CPSF4L: variants seen among roughly 807,000 people sequenced by gnomAD.
CPSF4L encodes putative cleavage and polyadenylation specificity factor subunit 4-like protein.
In CPSF4L, 18 loss-of-function variants were observed where a neutral mutation model predicts 24.0. That is an observed-to-expected ratio of 0.75 (90% CI 0.52 to 1.11). The LOEUF is 1.11. CPSF4L is among the 50% of genes least tolerant of loss of function. The probability of loss-of-function intolerance (pLI) is 0.00; values close to 1 mark genes in which losing one functional copy is unlikely to be tolerated. For synonymous variants in CPSF4L, 72 were observed against 77.2 expected (o/e 0.93, Z 0.35); for missense variants, 211 against 221.8 (o/e 0.95, Z 0.31).
At chr17:73,255,800 G>A (rs2062022933) in intron 3 of CPSF4L, among the ~76,000 whole-genome samples, 1 of 152,070 alleles carries the variant, frequency 6.6e-6, no homozygotes. Flanking sequence ...ATAACAGAAA[G>A]TCATCTACAC....
At chr17:73,243,075 GAA>G in the CPSF4L span, 576,691 of 1,014,336 alleles carry the variant, frequency 0.57, 161,466 homozygotes, top group East Asian at 0.66. Flanking sequence ...GGGATTCTCT[GAA>G]TTTTTTTTTT....
chr17:73,245,582 C>T (rs2061939135), downstream of CPSF4L: 2 of 985,344 alleles, frequency 2.0e-6, no homozygotes, highest in East Asian at 1.1e-4. Flanking sequence ...CAGACTACTA[C>T]CTATATGTTG....
chr17:73,250,184 G>A (rs1433676584), intron 5 of CPSF4L: 9 of 1,507,262 alleles, frequency 6.0e-6, no homozygotes, highest in African/African-American at 1.4e-5. Flanking sequence ...TGTGGAACTT[G>A]GGAAACAGAA....
In CPSF4L at chr17:73,252,114, A is replaced by AAGGGATG. The variant is rs199687262; in HGVS notation, c.497+509_497+515dup. ...TGGGGAGCAGAAAGGAGTGGGAATA[A>AAGGGATG]AGGGATGAGGGATGACGGCACGTGC... is the stretch of plus-strand genomic sequence containing the variant. On this transcript the variant is annotated intron_variant, in intron 5 of 5. Coordinates refer to ENST00000344935, the MANE Select transcript of CPSF4L (RefSeq NM_001129885.1). Among the ~76,000 whole-genome samples, 748 of 152,278 alleles carry AAGGGATG rather than the reference A, an allele frequency of 4.9e-3. 14 individuals are homozygous for AAGGGATG. The highest frequency in any genetic ancestry group is 0.024 in the East Asian group (123 of 5,172).
In CPSF4L at chr17:73,248,539, G is replaced by A; in HGVS notation, c.498-3C>T. 1 of 1,551,610 alleles carries A rather than the reference G, an allele frequency of 6.4e-7. No individual in the cohort carries two copies. Among genetic ancestry groups the A allele is most frequent in the Non-Finnish European group, 8.7e-7 (1 of 1,146,940 alleles). ...GCAGCTTGAATTCCCGAATCTTCCT[G>A]CAAGGTGCATACAAATGCAGCGTGA... On this transcript the variant is annotated splice_polypyrimidine_tract_variant and splice_region_variant and intron_variant, in intron 5 of 5. Transcript: ENST00000344935.
In CPSF4L at chr17:73,260,999, G is replaced by A; in HGVS notation, c.104-16C>T. 6.5e-7 allele frequency: 1 copy of A among 1,548,970 alleles called. No homozygotes were observed. ...GAGGCCGACTCTGGAAGGAGAAGAGGGAACGGAGAAGGTAGCTTCCCCAGA... is the reference window on the plus strand; with the variant it reads ...GAGGCCGACTCTGGAAGGAGAAGAGAGAACGGAGAAGGTAGCTTCCCCAGA... On this transcript the variant is annotated splice_polypyrimidine_tract_variant and intron_variant, in intron 1 of 5. Transcript: ENST00000344935.
chr17:73,249,515 C>T (rs2061993754), intron 5 of CPSF4L, among the ~76,000 whole-genome samples: 1 of 152,168 alleles, frequency 6.6e-6, no homozygotes. Context: ...TTCTTTTAGA[C>T]TGCCCTGACT....
chr17:73,254,626 A>G (rs762963901), intron 3 of CPSF4L, among the ~76,000 whole-genome samples: 13 of 152,172 alleles, frequency 8.5e-5, no homozygotes, highest in Non-Finnish European at 1.9e-4. Flanking sequence ...CAGTAGGCCC[A>G]GGCTACCCAA....
intron 3 of CPSF4L, among the ~76,000 whole-genome samples, chr17:73,254,427 G>A (rs1490274766): frequency 6.6e-6 from 1 of 152,184 alleles, no homozygotes; most frequent in Non-Finnish European, 1.5e-5. Flanking sequence ...CATGCTGCCT[G>A]CAGAGCCTAG....
In CPSF4L at chr17:73,257,805, T is replaced by G; in HGVS notation, c.183A>C (p.Arg61=). 1 of 1,551,504 alleles carries G rather than the reference T, an allele frequency of 6.4e-7. No homozygotes were observed. Among genetic ancestry groups the G allele is most frequent in the Non-Finnish European group, 8.7e-7 (1 of 1,146,966 alleles). Residue 61 remains arginine, a synonymous_variant, in exon 3 of 6, where the codon CGA becomes CGC. Coordinates refer to ENST00000344935, the MANE Select transcript of CPSF4L (RefSeq NM_001129885.1). ...GCTTGCATACCACCATCTTCTCCCCTCGGTCATGTCGGAAGGGGCAGAGTT... is the reference window on the plus strand; with the variant it reads ...GCTTGCATACCACCATCTTCTCCCCGCGGTCATGTCGGAAGGGGCAGAGTT... ...KGKLCPFRHD[R]GEKMVVCKHW...
At position 73,257,647 on chromosome 17, in the gene CPSF4L, C is replaced by G. The variant is rs1408598543; in HGVS notation, c.307+34G>C. On this transcript the variant is annotated intron_variant, in intron 3 of 5. Transcript: ENST00000344935. ...TCTCACAGCCCACACTGCCACCCTC[C>G]AGGGTGAGGCACCGAGCCAGGAAGA... The G allele has an allele frequency of 3.2e-6, 5 of 1,548,220 alleles. No homozygotes were observed. In the Admixed American group the frequency reaches 5.9e-5, roughly 18 times the overall value.
At chr17:73,257,977 C>A (rs976120553) in intron 2 of CPSF4L, 144 bp from the exon 3 acceptor site, 9 of 758,618 alleles carry the variant, frequency 1.2e-5, no homozygotes, top group Non-Finnish European at 1.9e-5. Context: ...CCTGTAGGGG[C>A]TGGAACTGGG....
chr17:73,242,948 G>C, the CPSF4L span: 1 of 1,613,600 alleles, frequency 6.2e-7, no homozygotes, highest in Non-Finnish European at 8.5e-7. Flanking sequence ...GTGGCATCAC[G>C]ATGCTCTTCA....
At chr17:73,242,509 T>TG in the CPSF4L span, among the ~76,000 whole-genome samples, 1 of 110,566 alleles carries the variant, frequency 9.0e-6, no homozygotes, top group Non-Finnish European at 2.1e-5. Context: ...CATTTTGGAG[T>TG]TGGACATAAT....
downstream of CPSF4L, among the ~76,000 whole-genome samples, chr17:73,246,784 G>C (rs1216896845): frequency 1.3e-5 from 2 of 152,150 alleles, no homozygotes; most frequent in Non-Finnish European, 2.9e-5. Flanking sequence ...GTGGTTGAGG[G>C]GAAGAGTTCT....
downstream of CPSF4L, chr17:73,247,404 G>A (rs2145264093): frequency 5.8e-6 from 9 of 1,549,984 alleles, no homozygotes; most frequent in Non-Finnish European, 8.0e-6. Flanking sequence ...GCCCTGTGTT[G>A]CCCACTGAAT....
chr17:73,254,117 C>T, intron 3 of CPSF4L, 91 bp from the exon 4 acceptor site: 2 of 923,668 alleles, frequency 2.2e-6, no homozygotes, highest in Non-Finnish European at 3.4e-6. Context: ...CTCACAAACA[C>T]AGAAGACACT....
chr17:73,259,356 A>T (rs116402394), intron 2 of CPSF4L, among the ~76,000 whole-genome samples: 100,412 of 147,848 alleles, frequency 0.68, 36,016 homozygotes, highest in Non-Finnish European at 0.81. Context: ...TCCTTTTTTA[A>T]AAAAAAAAAA....
chr17:73,243,670 AGG>A (rs1170262374), downstream of CPSF4L, among the ~76,000 whole-genome samples: 2 of 151,706 alleles, frequency 1.3e-5, no homozygotes, highest in African/African-American at 4.8e-5. Flanking sequence ...CTGGGACTAC[AGG>A]TGTGTGTCAC....
Sources: allele counts gnomAD v4.1 joint callset (sites outside exome capture counted in the v4.1 genomes callset), GRCh38; gene constraint gnomAD v4.1.1; transcripts MANE v1.5; gene names NCBI Gene and HGNC (gene_info 2026-07-23, HGNC 2026-07-21).